The following STX11 variants were observed in gnomAD, a reference collection of about 807,000 sequenced individuals.
STX11 encodes the protein syntaxin 11.
Under a neutral mutation model 19.9 loss-of-function variants are expected in STX11, and 21 were observed. That is an observed-to-expected ratio of 1.06 (90% confidence interval 0.75 to 1.52). The LOEUF (loss-of-function observed/expected upper bound fraction) is 1.52. STX11 is among the 40% of genes most tolerant of loss of function. The probability of loss-of-function intolerance (pLI) is 0.00; values close to 1 mark genes in which losing one functional copy is unlikely to be tolerated. For synonymous variants in STX11, 193 were observed against 174.4 expected (o/e 1.11, Z -0.84); for missense variants, 438 against 405.9 (o/e 1.08, Z -0.68).
At position 144,176,287 on chromosome 6, in the gene STX11, A is replaced by G. The variant is rs1288438182; in HGVS notation, c.-5-10336A>G. On this transcript the variant is annotated intron_variant, in intron 1 of 1. Coordinates refer to ENST00000367568, the MANE Select transcript of STX11 (RefSeq NM_003764.4). The surrounding 1 kb of genome is among the most constrained non-coding windows in gnomAD (Gnocchi z 4.1). ...TAAGTGGAAAGGGCATGAACTCAGG[A>G]CCTGGACAGATGTGAGTTTAAATCC... Among the ~76,000 whole-genome samples the G allele has an allele frequency of 6.6e-6, 1 of 152,148 alleles. No homozygotes were observed. The highest frequency in any genetic ancestry group is 2.4e-5 in the African/African-American group (1 of 41,416).
At position 144,191,706 on chromosome 6, in the gene STX11, T is replaced by G. The variant is rs1319479824; in HGVS notation, c.*4215T>G. Among the ~76,000 whole-genome samples the G allele has an allele frequency of 6.6e-6, 1 of 152,212 alleles. No individual in the cohort carries two copies. The highest frequency in any genetic ancestry group is 1.5e-5 in the Non-Finnish European group (1 of 68,038). The stretch of plus-strand genomic sequence containing the variant: ...AAGACGATAGTTTGAAACACCCAAT[T>G]GTAATCAGAGCAACAGTTGACTTCC... On this transcript the variant is annotated 3_prime_UTR_variant, in exon 2 of 2. Transcript: ENST00000367568.
Position 144,151,311 on chromosome 6 carries a change from TC to T in STX11, c.-6+610del. 3.0e-6 allele frequency: 3 copies of T among 985,412 alleles called. No individual in the cohort carries two copies. Among genetic ancestry groups the T allele is most frequent in the Non-Finnish European group, 3.6e-6 (3 of 829,928 alleles). 61.0% of individuals were successfully genotyped at this position (985,412 alleles called of 1,614,324 possible). On this transcript the variant is annotated intron_variant, in intron 1 of 1. Coordinates refer to ENST00000367568, the MANE Select transcript of STX11 (RefSeq NM_003764.4). The surrounding 1 kb of genome is among the most constrained non-coding windows in gnomAD (Gnocchi z 4.6). ...GAGGGAATTCTGCCTTTTTCTAGAC[TC>T]CGCTGACACCAGCTGAGATCTGTAT...
chr6:144,186,934 A>C lies in STX11; in HGVS notation c.307A>C (p.Lys103Gln). 1 of 1,610,096 alleles carries C rather than the reference A, an allele frequency of 6.2e-7. No individual in the cohort carries two copies. The highest frequency in any genetic ancestry group is 8.5e-7 in the Non-Finnish European group (1 of 1,179,946). The change falls in exon 2 of 2, where the codon AAG (lysine) becomes CAG (glutamine). Residue 103 changes from lysine to glutamine, a missense_variant. By Grantham distance (53) the Lys-to-Gln change is moderately conservative. Transcript: ENST00000367568. ...IKARGEVIHCKLRAMKELSEA... is the reference protein window; with the variant it reads ...IKARGEVIHCQLRAMKELSEA... ...GGCCCGGGGCGAGGTCATCCACTGCAAGCTGCGCGCCATGAAGGAGCTGAG... is the reference window on the plus strand; with the variant it reads ...GGCCCGGGGCGAGGTCATCCACTGCCAGCTGCGCGCCATGAAGGAGCTGAG...
In STX11 at chr6:144,184,167, A is replaced by T. The variant is rs1012378834; in HGVS notation, c.-5-2456A>T. The stretch of plus-strand genomic sequence containing the variant: ...AGGGCTGCAGTGAACATTGACATGC[A>T]TGTGTCTTTATAATAGAATGATTTA... On this transcript the variant is annotated intron_variant, in intron 1 of 1. Transcript: ENST00000367568. The surrounding 1 kb of genome is among the most constrained non-coding windows in gnomAD (Gnocchi z 6.5). Among the ~76,000 whole-genome samples, 2 of 152,200 alleles carry T rather than the reference A, an allele frequency of 1.3e-5. No individual in the cohort carries two copies. Among genetic ancestry groups the T allele is most frequent in the Non-Finnish European group, 2.9e-5 (2 of 68,044 alleles).
At chr6:144,171,856 CAATAT>C (rs982055749) in intron 1 of STX11, among the ~76,000 whole-genome samples, 2 of 151,978 alleles carry the variant, frequency 1.3e-5, no homozygotes, top group South Asian at 2.1e-4. Context: ...CTTTTACATA[CAATAT>C]GAGTAGAATA....
At chr6:144,166,251 A>G (rs1291096562) in intron 1 of STX11, among the ~76,000 whole-genome samples, 1 of 152,198 alleles carries the variant, frequency 6.6e-6, no homozygotes, top group Non-Finnish European at 1.5e-5. Context: ...GAGATGTTCA[A>G]CGTATATGTA....
the STX11 span, among the ~76,000 whole-genome samples, chr6:144,140,275 G>T: frequency 8.3e-6 from 1 of 119,810 alleles, no homozygotes; most frequent in Non-Finnish European, 1.8e-5. Context: ...TATTTTTTGA[G>T]AAAGAATCTC....
chr6:144,174,565 G>T lies in STX11; in HGVS notation c.-5-12058G>T, dbSNP rs1437812206. The stretch of plus-strand genomic sequence containing the variant: ...TTGTGTTTTTGTAGAGCTGGATTTT[G>T]CCCTGTTACCCAGGCTGGTCTTGAA... On this transcript the variant is annotated intron_variant, in intron 1 of 1. Transcript: ENST00000367568. The surrounding 1 kb of genome is among the most constrained non-coding windows in gnomAD (Gnocchi z 5.3). 6.6e-6 allele frequency among the ~76,000 whole-genome samples: 1 copy of T among 151,846 alleles called. No homozygotes were observed.
At chr6:144,144,268 A>T in the STX11 span, among the ~76,000 whole-genome samples, 51,925 of 151,828 alleles carry the variant, frequency 0.34, 9,013 homozygotes, top group South Asian at 0.46. Flanking sequence ...TAAGTCTGCA[A>T]TCACAGAGCT....
chr6:144,180,823 G>A lies in STX11; in HGVS notation c.-5-5800G>A, dbSNP rs1801894581. ...TTTAAGATTCTATGTGCCAAATATA[G>A]TAGGCTATTCAAAGCAGGATCTAGG... On this transcript the variant is annotated intron_variant, in intron 1 of 1. Transcript: ENST00000367568. The surrounding 1 kb of genome is among the most constrained non-coding windows in gnomAD (Gnocchi z 5.3). 6.6e-6 allele frequency among the ~76,000 whole-genome samples: 1 copy of A among 152,150 alleles called. No individual in the cohort carries two copies. The highest frequency in any genetic ancestry group is 1.5e-5 in the Non-Finnish European group (1 of 68,024).
At chr6:144,140,209 C>CAT in the STX11 span, among the ~76,000 whole-genome samples, 532 of 44,112 alleles carry the variant, frequency 0.012, 3 homozygotes, top group African/African-American at 0.028. Flanking sequence ...GGTCAATTCA[C>CAT]ATATATATAT....
chr6:144,178,283 G>A (rs1801823168), intron 1 of STX11, among the ~76,000 whole-genome samples: 1 of 152,176 alleles, frequency 6.6e-6, no homozygotes, highest in Non-Finnish European at 1.5e-5. Flanking sequence ...TGGGGATGAT[G>A]ATAATACCTC....
intron 1 of STX11, among the ~76,000 whole-genome samples, chr6:144,158,771 T>C (rs1801245181): frequency 1.3e-5 from 2 of 152,250 alleles, no homozygotes; most frequent in Admixed American, 1.3e-4. Context: ...GTATATTATC[T>C]GATTCACTGA....
chr6:144,158,858 C>T (rs1470623144), intron 1 of STX11, among the ~76,000 whole-genome samples: 1 of 152,212 alleles, frequency 6.6e-6, no homozygotes, highest in African/African-American at 2.4e-5. Flanking sequence ...CACCAAATTG[C>T]TGTGTTTCTT....
At chr6:144,179,920 T>C (rs549872789) in intron 1 of STX11, among the ~76,000 whole-genome samples, 1 of 152,340 alleles carries the variant, frequency 6.6e-6, no homozygotes, top group African/African-American at 2.4e-5. Flanking sequence ...GTAAGTCCTG[T>C]ATGGAGTGTA....
At position 144,190,326 on chromosome 6, in the gene STX11, C is replaced by T; in HGVS notation, c.*2835C>T. ...GTAAAACGGAGATAACAGTACTTAC[C>T]TCATAGAGCTGTTGTGAAAAGTGAT... is the stretch of plus-strand genomic sequence containing the variant. On this transcript the variant is annotated 3_prime_UTR_variant, in exon 2 of 2. Transcript: ENST00000367568. Among the ~76,000 whole-genome samples the T allele has an allele frequency of 6.6e-6, 1 of 152,148 alleles. No individual in the cohort carries two copies. The highest frequency in any genetic ancestry group is 1.9e-4 in the East Asian group (1 of 5,198).
Position 144,189,956 on chromosome 6 carries a change from G to A in STX11, c.*2465G>A, listed in dbSNP as rs973747594. On this transcript the variant is annotated 3_prime_UTR_variant, in exon 2 of 2. Coordinates refer to ENST00000367568, the MANE Select transcript of STX11 (RefSeq NM_003764.4). Reference sequence around the variant, plus strand: ...TGCCAGCCAGTTTCCACAAAAAAACGAAGAGTTCATAAATTTGACATGTTT... The same window carrying A: ...TGCCAGCCAGTTTCCACAAAAAAACAAAGAGTTCATAAATTTGACATGTTT... Among the ~76,000 whole-genome samples, 4 of 152,138 alleles carry A rather than the reference G, an allele frequency of 2.6e-5. No homozygotes were observed. The highest frequency in any genetic ancestry group is 4.4e-5 in the Non-Finnish European group (3 of 68,004).
At chr6:144,150,823 G>C (rs1449819962) in intron 1 of STX11, 120 bp downstream of exon 1, 1 of 787,334 alleles carries the variant, frequency 1.3e-6, no homozygotes, top group African/African-American at 1.9e-5. Context: ...CCGCGGCTGT[G>C]CCTTAGGTGG....
chr6:144,146,940 G>C (rs759129208), upstream of STX11, among the ~76,000 whole-genome samples: 25 of 152,170 alleles, frequency 1.6e-4, 1 homozygote, highest in Non-Finnish European at 1.3e-4. The surrounding 1 kb of genome is among the most constrained non-coding windows in gnomAD (Gnocchi z 4.4). Context: ...ATTAAGTGTG[G>C]CATTTTGGAC....
Sources: gnomAD v4.1 joint callset for allele counts (sites outside exome capture counted in the v4.1 genomes callset) on GRCh38, gnomAD v4.1.1 for gene constraint, Gnocchi (gnomAD v3.1) non-coding constraint, MANE v1.5 for transcripts, NCBI Gene and HGNC (gene_info 2026-07-23, HGNC 2026-07-21) for gene names.